The following DENND2C variants were observed in gnomAD, a reference collection of about 807,000 sequenced individuals.
DENND2C encodes DENN domain-containing protein 2C.
Under a neutral mutation model 112.4 loss-of-function variants are expected in DENND2C, and 72 were observed. The observed-to-expected ratio is 0.64, with a 90% CI of 0.53 to 0.78. The LOEUF (loss-of-function observed/expected upper bound fraction) is 0.78, where lower values mean the gene tolerates loss of function less well. Ranked by LOEUF, DENND2C falls within the 30% of genes least tolerant of loss-of-function variation. DENND2C has a pLI of 0.00. For missense variants in DENND2C, 992 were observed against 1,113.8 expected (o/e 0.89, Z 1.56); for synonymous variants, 329 against 381.6 (o/e 0.86, Z 1.61).
intron 3 of DENND2C, among the ~76,000 whole-genome samples, chr1:114,631,579 C>T (rs61811024): frequency 0.51 from 76,576 of 151,610 alleles, 19,534 homozygotes; most frequent in South Asian, 0.61. Context: ...GTCAGGAGAT[C>T]GAGACCATCC....
intron 1 of DENND2C, among the ~76,000 whole-genome samples, chr1:114,661,106 CAAA>C (rs61417132): frequency 2.2e-3 from 223 of 102,636 alleles, no homozygotes; most frequent in Middle Eastern, 0.01. Context: ...GACTCCGTCT[CAAA>C]AAAAAAAAAA....
chr1:114,592,589 GCACGCCTGTAGGCCCAGCTA>G (rs1334271058), intron 18 of DENND2C, among the ~76,000 whole-genome samples: 4 of 152,070 alleles, frequency 2.6e-5, no homozygotes, highest in Admixed American at 1.3e-4. Context: ...GTGTGAGGGT[GCACGCCTGTAGGCCCAGCTA>G]CATGGCTGGC....
rs182432194 is a variant in DENND2C at position 114,583,231 on chromosome 1, T to C, written c.*2369A>G. Reference sequence around the variant, plus strand: ...GTTCTATTCCCTGGACCCACATCTGTAGGAATTATATTATACAGCACCAGT... The same window carrying C: ...GTTCTATTCCCTGGACCCACATCTGCAGGAATTATATTATACAGCACCAGT... On this transcript the variant is annotated 3_prime_UTR_variant, in exon 21 of 21. Transcript: ENST00000393274. 1.3e-5 allele frequency: 2 copies of C among 152,196 alleles called. No homozygotes were observed. The highest frequency in any genetic ancestry group is 3.9e-4 in the East Asian group (2 of 5,184). 9.4% of individuals were successfully genotyped at this position (152,196 alleles called of 1,614,324 possible).
intron 3 of DENND2C, among the ~76,000 whole-genome samples, chr1:114,638,726 G>T (rs1006447679): frequency 2.9e-5 from 4 of 137,400 alleles, no homozygotes; most frequent in African/African-American, 1.1e-4. Flanking sequence ...TTACACTACT[G>T]CACTCCAGCC....
chr1:114,641,774 C>A (rs1325179322), intron 3 of DENND2C, among the ~76,000 whole-genome samples: 3 of 152,036 alleles, frequency 2.0e-5, no homozygotes, highest in African/African-American at 7.2e-5. Context: ...TGGACAAATA[C>A]AATAGTCAAC....
chr1:114,656,987 G>T (rs1195046271), intron 1 of DENND2C, among the ~76,000 whole-genome samples: 1 of 151,944 alleles, frequency 6.6e-6, no homozygotes, highest in Non-Finnish European at 1.5e-5. Flanking sequence ...CTGACCTCAG[G>T]TGATCTGCCC....
chr1:114,647,456 C>A (rs1657025868), intron 2 of DENND2C, among the ~76,000 whole-genome samples: 1 of 151,956 alleles, frequency 6.6e-6, no homozygotes, highest in South Asian at 2.1e-4. Flanking sequence ...CAATAATCCA[C>A]TATTGTACAA....
chr1:114,605,134 C>CT, intron 10 of DENND2C, 103 bp from the exon 11 acceptor site: 1 of 748,420 alleles, frequency 1.3e-6, no homozygotes, highest in South Asian at 1.9e-5. Context: ...TCTGATAAGC[C>CT]TGAGTAGTTG....
chr1:114,609,901 G>A (rs542336282), intron 9 of DENND2C, among the ~76,000 whole-genome samples: 4 of 152,288 alleles, frequency 2.6e-5, no homozygotes, highest in Admixed American at 6.5e-5. Flanking sequence ...TTCAAGTCAA[G>A]AAAATTTTAG....
intron 11 of DENND2C, among the ~76,000 whole-genome samples, chr1:114,603,478 T>C (rs2101650153): frequency 6.6e-6 from 1 of 151,532 alleles, no homozygotes; most frequent in African/African-American, 2.4e-5. Flanking sequence ...GAACAGAACT[T>C]AATTTTCTGA....
chr1:114,625,550 G>A lies in DENND2C; in HGVS notation c.435C>T (p.Thr145=), dbSNP rs763922058. Residue 145 remains threonine, a synonymous_variant, in exon 4 of 21, where the codon ACC becomes ACT. Transcript: ENST00000393274. ...ETSLPPGNFY[T]SQILWKKIEA... The stretch of plus-strand genomic sequence containing the variant: ...CTATTTTCTTCCACAGTATTTGTGA[G>A]GTATAGAAGTTTCCTGGAGGTAATG... 8 of 1,614,060 alleles carry A rather than the reference G, an allele frequency of 5.0e-6. No individual in the cohort carries two copies. The highest frequency in any genetic ancestry group is 5.9e-6 in the Non-Finnish European group (7 of 1,180,006).
intron 2 of DENND2C, among the ~76,000 whole-genome samples, chr1:114,654,088 G>C (rs1198274379): frequency 6.6e-6 from 1 of 152,178 alleles, no homozygotes; most frequent in Non-Finnish European, 1.5e-5. Flanking sequence ...ATCTCTGGGT[G>C]ATGTAACTAT....
Position 114,625,337 on chromosome 1 carries a change from T to A in DENND2C, c.648A>T (p.Thr216=). The A allele has an allele frequency of 6.2e-7, 1 of 1,614,192 alleles. No homozygotes were observed. ...CACCAGATTCGGATAAATATCTGAA[T>A]GTCCTACGAGGTTTTGGCAAAGGAT... ...SINPLPKPRR[T]FRYLSESGVT... is the part of the protein sequence containing the mutation. Residue 216 remains threonine (T), a synonymous_variant, in exon 4 of 21, where the codon ACA becomes ACT. Coordinates refer to ENST00000393274, the MANE Select transcript of DENND2C (RefSeq NM_001256404.2).
intron 8 of DENND2C, among the ~76,000 whole-genome samples, chr1:114,617,998 T>C (rs1656022728): frequency 6.6e-6 from 1 of 152,026 alleles, no homozygotes; most frequent in Admixed American, 6.6e-5. Flanking sequence ...AAATTTTTTT[T>C]TTTTTTTTGA....
rs222493 is a variant in DENND2C, at chr1:114,585,466, A to T, written c.*134T>A. On this transcript the variant is annotated 3_prime_UTR_variant, in exon 21 of 21. Coordinates refer to ENST00000393274, the MANE Select transcript of DENND2C (RefSeq NM_001256404.2). The stretch of plus-strand genomic sequence containing the variant: ...AGCAGCAACAGGAGAATCCTCCTCT[A>T]ACAGCCTGACTCGCTCTTTAACCTT... 2 of 891,318 alleles carry T rather than the reference A, an allele frequency of 2.2e-6. No homozygotes were observed. Among genetic ancestry groups the T allele is most frequent in the Non-Finnish European group, 3.5e-6 (2 of 574,476 alleles). 55.2% of individuals were successfully genotyped at this position (891,318 alleles called of 1,614,324 possible). A position where few individuals can be genotyped will look rare whatever the true frequency, so the allele number is the denominator to read the frequency against.
intron 18 of DENND2C, among the ~76,000 whole-genome samples, chr1:114,589,009 A>C (rs547649436): frequency 2.6e-5 from 4 of 152,154 alleles, no homozygotes; most frequent in East Asian, 1.9e-4. Context: ...TATTATTTTT[A>C]TTTTTCTTTT....
intron 6 of DENND2C, 121 bp downstream of exon 6, chr1:114,622,866 C>A: frequency 1.2e-5 from 7 of 606,650 alleles, no homozygotes; most frequent in South Asian, 9.1e-5. Flanking sequence ...AAACTACCAC[C>A]AACATTAAAA....
chr1:114,600,969 G>T lies in DENND2C; in HGVS notation c.1816-9C>A. 1 of 1,607,678 alleles carries T rather than the reference G, an allele frequency of 6.2e-7. No individual in the cohort carries two copies. Among genetic ancestry groups the T allele is most frequent in the Non-Finnish European group, 8.5e-7 (1 of 1,176,968 alleles). ...TCTACTTCATCCAGAATCTATATACGCAAAGTGTTATTTTATTATGGACTA... is the reference window on the plus strand; with the variant it reads ...TCTACTTCATCCAGAATCTATATACTCAAAGTGTTATTTTATTATGGACTA... On this transcript the variant is annotated splice_polypyrimidine_tract_variant and intron_variant, in intron 13 of 20. Coordinates refer to ENST00000393274, the MANE Select transcript of DENND2C (RefSeq NM_001256404.2).
At chr1:114,637,514 T>C (rs1471702448) in intron 3 of DENND2C, among the ~76,000 whole-genome samples, 1 of 152,014 alleles carries the variant, frequency 6.6e-6, no homozygotes, top group Non-Finnish European at 1.5e-5. Context: ...TACTGGAATA[T>C]TCAAGATTTT....
Sources: allele counts gnomAD v4.1 joint callset (sites outside exome capture counted in the v4.1 genomes callset), GRCh38; gene constraint gnomAD v4.1.1; transcripts MANE v1.5; gene names NCBI Gene and HGNC (gene_info 2026-07-23, HGNC 2026-07-21).